The following NF1 variants were observed in gnomAD, a reference collection of about 807,000 sequenced individuals.
The protein encoded by NF1 is neurofibromin 1.
Under a neutral mutation model 325.7 loss-of-function variants are expected in NF1, and 122 were observed. The ratio of observed to expected loss-of-function variants is 0.37; its 90% confidence interval spans 0.32 to 0.44. NF1 has a LOEUF of 0.44. Among genes scored for constraint, NF1 ranks in the 20% least tolerant of loss-of-function variants. NF1 has a pLI of 1.00. For synonymous variants in NF1, 1,091 were observed against 1,186.0 expected, an observed-to-expected ratio of 0.92 and a Z score of 1.65; for missense variants, 2,140 against 3,415.4, an observed-to-expected ratio of 0.63 and a Z score of 9.31.
intron 57 of NF1, among the ~76,000 whole-genome samples, chr17:31,365,277 T>C (rs561829191): frequency 3.7e-4 from 4 of 10,766 alleles, no homozygotes; most frequent in African/African-American, 3.2e-3. Flanking sequence ...AGAACCTATC[T>C]CAAAAAAAAA....
intron 1 of NF1, among the ~76,000 whole-genome samples, chr17:31,144,065 C>T (rs1478618691): frequency 3.3e-5 from 5 of 151,974 alleles, no homozygotes; most frequent in African/African-American, 7.2e-5. Context: ...CCTCGTGATC[C>T]GCCCGCCTCG....
intron 8 of NF1, among the ~76,000 whole-genome samples, chr17:31,194,887 C>CTTCA (rs1475537888): frequency 6.6e-6 from 1 of 152,090 alleles, no homozygotes; most frequent in Non-Finnish European, 1.5e-5. Context: ...CCTTCCAGTG[C>CTTCA]TTCAGCTTTC....
chr17:31,124,287 A>G (rs1914679358), intron 1 of NF1, among the ~76,000 whole-genome samples: 1 of 151,494 alleles, frequency 6.6e-6, no homozygotes, highest in Admixed American at 6.6e-5. Flanking sequence ...CTGATCTCAA[A>G]CTCCTGGCCC....
intron 36 of NF1, chr17:31,307,770 TA>T: frequency 1.7e-6 from 1 of 599,214 alleles, no homozygotes; most frequent in Non-Finnish European, 2.6e-6. Context: ...TAGAAAATCT[TA>T]GGGTGTTAGA....
intron 1 of NF1, among the ~76,000 whole-genome samples, chr17:31,134,403 G>A (rs1915608784): frequency 6.6e-6 from 1 of 151,890 alleles, no homozygotes; most frequent in Non-Finnish European, 1.5e-5. Flanking sequence ...ACATGTTATG[G>A]TTTATATGTT....
chr17:31,336,582 AC>A lies in NF1; in HGVS notation c.6148-52del. Reference sequence around the variant, plus strand: ...TTAAACTGAACTTTTTTGTGCTAAAACTTTGAGTCCCATGTTTTTTTTTTTA... The same window carrying A: ...TTAAACTGAACTTTTTTGTGCTAAAATTTGAGTCCCATGTTTTTTTTTTTA... On this transcript the variant is annotated intron_variant, in intron 41 of 57. Coordinates refer to ENST00000358273, the MANE Select transcript of NF1 (RefSeq NM_001042492.3). This position sits in a 1 kb window ranked among gnomAD's most constrained non-coding sequence, Gnocchi z 5.5. The A allele has an allele frequency of 6.4e-7, 1 of 1,568,752 alleles. No individual in the cohort carries two copies. Among genetic ancestry groups the A allele is most frequent in the Non-Finnish European group, 8.6e-7 (1 of 1,159,244 alleles).
intron 36 of NF1, among the ~76,000 whole-genome samples, chr17:31,302,278 C>T (rs1057036701): frequency 4.6e-5 from 7 of 152,066 alleles, no homozygotes; most frequent in Admixed American, 1.3e-4. Context: ...AATCAGCTCC[C>T]GTTTAATCTA....
chr17:31,231,703 C>T (rs1191323083), intron 24 of NF1, among the ~76,000 whole-genome samples: 1 of 152,080 alleles, frequency 6.6e-6, no homozygotes, highest in Admixed American at 6.5e-5. Context: ...AAAATCTGTA[C>T]ATGTTGAGTA....
intron 57 of NF1, chr17:31,362,471 C>A: frequency 2.8e-6 from 1 of 351,638 alleles, no homozygotes; most frequent in Non-Finnish European, 4.0e-6. Flanking sequence ...AAGGCCAGGC[C>A]CTTTTGTACT....
At chr17:31,281,336 G>A (rs2068114820) in intron 36 of NF1, among the ~76,000 whole-genome samples, 1 of 152,176 alleles carries the variant, frequency 6.6e-6, no homozygotes, top group Admixed American at 6.5e-5. Context: ...GACTCTAGGA[G>A]CTGGCTAAGC....
At chr17:31,287,556 G>GTGTGTGTGTGTGTGTGTT (rs2068256158) in intron 36 of NF1, among the ~76,000 whole-genome samples, 2 of 151,346 alleles carry the variant, frequency 1.3e-5, no homozygotes, top group Admixed American at 1.3e-4. Context: ...GTGTGTGTGT[G>GTGTGTGTGTGTGTGTGTT]TGTGTGTGTG....
Position 31,220,778 on chromosome 17 carries a change from T to C in NF1, c.1642-1072T>C, listed in dbSNP as rs117460176. ...CTAACACATTTTCTTTCAATATGTA[T>C]TTTTAAAGTTTTATCAAACAAAAAT... On this transcript the variant is annotated intron_variant, in intron 14 of 57. Transcript: ENST00000358273. Among the ~76,000 whole-genome samples, 37 of 152,274 alleles carry C rather than the reference T, an allele frequency of 2.4e-4. 1 individual carries two copies. The East Asian group carries it at 6.7e-3, about 28-fold the overall frequency.
Position 31,232,885 on chromosome 17 carries a change from A to G in NF1, c.3496+4A>G. On this transcript the variant is annotated splice_donor_region_variant and intron_variant, in intron 26 of 57. Transcript: ENST00000358273. ...AGTGGTCTCATGCACTCCATAGGTG[A>G]GATCAAATGAAAGTTTCATATAGAA... The G allele has an allele frequency of 1.2e-6, 2 of 1,614,072 alleles. No homozygotes were observed. The highest frequency in any genetic ancestry group is 1.7e-6 in the Non-Finnish European group (2 of 1,179,982).
At chr17:31,261,136 G>A (rs976710382) in intron 34 of NF1, among the ~76,000 whole-genome samples, 2 of 151,748 alleles carry the variant, frequency 1.3e-5, no homozygotes, top group South Asian at 2.1e-4. Flanking sequence ...CCAGCTACTC[G>A]GGAGGCTGAG....
intron 36 of NF1, among the ~76,000 whole-genome samples, chr17:31,313,720 ATATGTG>A (rs1297661138): frequency 3.0e-5 from 3 of 101,238 alleles, no homozygotes; most frequent in African/African-American, 1.1e-4. Flanking sequence ...AAAAAAAAAA[ATATGTG>A]TGTGTGTGTG....
rs2066157647 is a variant in NF1 at position 31,182,587 on chromosome 17, A to G, written c.810A>G (p.Gln270=). The G allele has an allele frequency of 6.2e-7, 1 of 1,614,122 alleles. No individual in the cohort carries two copies. ...GTAAAGCAGCAGTTTGGCCACTACA[A>G]ATCATTCTCCTTATCTTGTGTCCAG... ...TKRKAAVWPL[Q]IILLILCPEI... is the part of the protein sequence containing the mutation. Residue 270 remains glutamine, a synonymous_variant, in exon 8 of 58, where the codon CAA becomes CAG. Coordinates refer to ENST00000358273, the MANE Select transcript of NF1 (RefSeq NM_001042492.3).
At chr17:31,180,214 A>G (rs2066101911) in intron 5 of NF1, among the ~76,000 whole-genome samples, 1 of 152,260 alleles carries the variant, frequency 6.6e-6, no homozygotes, top group Non-Finnish European at 1.5e-5. Context: ...AACAATAGAA[A>G]AAGAGTGAAT....
At chr17:31,201,350 T>C (rs1466276291) in intron 10 of NF1, 61 bp from the exon 11 acceptor site, 1 of 1,508,920 alleles carries the variant, frequency 6.6e-7, no homozygotes, top group Non-Finnish European at 9.1e-7. Context: ...TTTGGCTTCA[T>C]TTGTATTACT....
chr17:31,217,706 T>C (rs2066844359), intron 13 of NF1, among the ~76,000 whole-genome samples: 1 of 151,926 alleles, frequency 6.6e-6, no homozygotes, highest in African/African-American at 2.4e-5. Flanking sequence ...CGCTCACATC[T>C]GTAATCCCAG....
Sources: allele counts gnomAD v4.1 joint callset (sites outside exome capture counted in the v4.1 genomes callset), GRCh38; gene constraint gnomAD v4.1.1; non-coding constraint Gnocchi (gnomAD v3.1); transcripts MANE v1.5; gene names NCBI Gene and HGNC (gene_info 2026-07-23, HGNC 2026-07-21).